The following SFMBT2 variants were observed in gnomAD, a reference collection of about 807,000 sequenced individuals.
SFMBT2 encodes the protein scm-like with four MBT domains protein 2.
SFMBT2 carries 38 observed loss-of-function variants against 110.1 expected under a neutral mutation model. The ratio of observed to expected loss-of-function variants is 0.35; its 90% CI spans 0.27 to 0.45. SFMBT2 has a LOEUF of 0.45. SFMBT2 is among the 20% of genes least tolerant of loss of function. The probability of loss-of-function intolerance (pLI) is 1.00; values close to 1 mark genes in which losing one functional copy is unlikely to be tolerated. For missense variants in SFMBT2, 1,011 were observed against 1,094.9 expected (o/e 0.92, Z 1.08); for synonymous variants, 425 against 425.4 (o/e 1.00, Z 0.01).
chr10:7,320,028 GAGAA>G (rs544137560), intron 4 of SFMBT2, among the ~76,000 whole-genome samples: 11 of 151,564 alleles, frequency 7.3e-5, no homozygotes, highest in South Asian at 2.1e-4. Flanking sequence ...GAGACAGAAA[GAGAA>G]AGAGAGAGAC....
At chr10:7,314,264 C>A (rs1197513228) in intron 4 of SFMBT2, among the ~76,000 whole-genome samples, 1 of 152,206 alleles carries the variant, frequency 6.6e-6, no homozygotes, top group Non-Finnish European at 1.5e-5. Flanking sequence ...AATGGGACAC[C>A]AAACAGTTTT....
At chr10:7,368,034 C>G (rs1844958656) in intron 3 of SFMBT2, 145 bp from the exon 4 acceptor site, 2 of 1,207,200 alleles carry the variant, frequency 1.7e-6, no homozygotes, top group African/African-American at 1.5e-5. Context: ...AAGTAATACA[C>G]TATGGAAGCC....
intron 4 of SFMBT2, among the ~76,000 whole-genome samples, chr10:7,349,407 C>A (rs964380426): frequency 2.2e-5 from 3 of 134,352 alleles, no homozygotes; most frequent in African/African-American, 8.5e-5. Context: ...GATCCTCTCA[C>A]TTTCAAGCCC....
At chr10:7,300,008 C>A (rs1001493489) in intron 4 of SFMBT2, among the ~76,000 whole-genome samples, 1 of 152,044 alleles carries the variant, frequency 6.6e-6, no homozygotes, top group African/African-American at 2.4e-5. Flanking sequence ...AAGATCATAT[C>A]CTTTGCAGGG....
At chr10:7,245,345 CAT>C (rs534538687) in intron 8 of SFMBT2, among the ~76,000 whole-genome samples, 262 of 150,274 alleles carry the variant, frequency 1.7e-3, no homozygotes, top group Non-Finnish European at 3.0e-3. Context: ...GTCTATCTTG[CAT>C]ATATACACAT....
At chr10:7,190,057 G>A (rs953795277) in intron 15 of SFMBT2, among the ~76,000 whole-genome samples, 8 of 152,036 alleles carry the variant, frequency 5.3e-5, no homozygotes, top group East Asian at 3.9e-4. Flanking sequence ...TTTACACTAC[G>A]CGGTCAGCCC....
chr10:7,263,968 C>G (rs1841301510), intron 7 of SFMBT2: 1 of 212,304 alleles, frequency 4.7e-6, no homozygotes, highest in Admixed American at 6.5e-5. Flanking sequence ...AGGGTTAAAT[C>G]TATAATCACA....
chr10:7,198,267 A>G, intron 14 of SFMBT2: 2 of 426,408 alleles, frequency 4.7e-6, no homozygotes, highest in Non-Finnish European at 6.3e-6. Flanking sequence ...CTTTGACTCT[A>G]TTGAATTAAT....
In SFMBT2 at chr10:7,160,492, T is replaced by G. The variant is rs570259115; in HGVS notation, c.*3278A>C. On this transcript the variant is annotated 3_prime_UTR_variant, in exon 21 of 21. Transcript: ENST00000397167. Reference sequence around the variant, plus strand: ...CAGTTCCAATAAGTTCCAAGTGGCATGATGCCCACAGGAAGTAGGCGCACT... The same window carrying G: ...CAGTTCCAATAAGTTCCAAGTGGCAGGATGCCCACAGGAAGTAGGCGCACT... 1 of 152,182 alleles carries G rather than the reference T, an allele frequency of 6.6e-6. No homozygotes were observed. The highest frequency in any genetic ancestry group is 6.5e-5 in the Admixed American group (1 of 15,280). 9.4% of individuals were successfully genotyped at this position (152,182 alleles called of 1,614,324 possible). A position where few individuals can be genotyped will look rare whatever the true frequency, so the allele number is the denominator to read the frequency against.
intron 4 of SFMBT2, among the ~76,000 whole-genome samples, chr10:7,349,452 T>C (rs1197273057): frequency 2.4e-5 from 3 of 126,552 alleles, no homozygotes; most frequent in Non-Finnish European, 5.0e-5. Flanking sequence ...TTTTTTTTTT[T>C]TTTTTTTTTT....
intron 11 of SFMBT2, chr10:7,215,528 A>C (rs1839505635): frequency 1.0e-6 from 1 of 985,122 alleles, no homozygotes; most frequent in Non-Finnish European, 1.2e-6. Context: ...TTTATCCAAC[A>C]CTGTACATGG....
At chr10:7,208,793 T>C (rs1340712298) in intron 11 of SFMBT2, among the ~76,000 whole-genome samples, 1 of 152,242 alleles carries the variant, frequency 6.6e-6, no homozygotes, top group African/African-American at 2.4e-5. Context: ...CATCGTATTA[T>C]GGCTTTAATA....
intron 4 of SFMBT2, among the ~76,000 whole-genome samples, chr10:7,334,860 A>T (rs56390707): frequency 0.072 from 11,002 of 152,268 alleles, 523 homozygotes; most frequent in Non-Finnish European, 0.11. Context: ...GTGAAGTTCC[A>T]GGACGACAGG....
chr10:7,317,767 A>G (rs979151369), intron 4 of SFMBT2, among the ~76,000 whole-genome samples: 2 of 152,226 alleles, frequency 1.3e-5, no homozygotes, highest in African/African-American at 4.8e-5. Context: ...GGAAAACACT[A>G]ATTTATGTAA....
At chr10:7,352,839 G>A (rs1204863407) in intron 4 of SFMBT2, among the ~76,000 whole-genome samples, 2 of 152,052 alleles carry the variant, frequency 1.3e-5, no homozygotes, top group South Asian at 2.1e-4. Flanking sequence ...GTGAAACCCT[G>A]TCTCTACTAA....
At chr10:7,235,947 C>T (rs910331126) in intron 9 of SFMBT2, among the ~76,000 whole-genome samples, 2 of 152,086 alleles carry the variant, frequency 1.3e-5, no homozygotes, top group African/African-American at 2.4e-5. Flanking sequence ...CAATAAAACA[C>T]CAACAACATC....
intron 7 of SFMBT2, among the ~76,000 whole-genome samples, chr10:7,253,854 A>C (rs1028215783): frequency 2.7e-5 from 4 of 150,352 alleles, no homozygotes; most frequent in Admixed American, 2.6e-4. Flanking sequence ...TCCCTCTATG[A>C]CCATATAGAA....
chr10:7,333,196 C>G (rs570977712), intron 4 of SFMBT2, among the ~76,000 whole-genome samples: 1 of 152,244 alleles, frequency 6.6e-6, no homozygotes, highest in South Asian at 2.1e-4. Flanking sequence ...CATACTTTAG[C>G]TTCATGAGAG....
chr10:7,329,466 G>T (rs1307738736), intron 4 of SFMBT2: 1 of 985,376 alleles, frequency 1.0e-6, no homozygotes, highest in Non-Finnish European at 1.2e-6. Context: ...CTGAGGAAAT[G>T]TGTGTGGTGA....
Sources: gnomAD v4.1 joint callset for allele counts (sites outside exome capture counted in the v4.1 genomes callset) on GRCh38, gnomAD v4.1.1 for gene constraint, MANE v1.5 for transcripts, NCBI Gene and HGNC (gene_info 2026-07-23, HGNC 2026-07-21) for gene names.